Variants in RIIAD1 observed in about 807,000 individuals in gnomAD.
RIIAD1 encodes regulatory subunit of type II PKA R-subunit domain containing 1.
RIIAD1 carries 15 observed loss-of-function variants against 13.3 expected under a neutral mutation model. That is an observed-to-expected ratio of 1.13 (90% CI 0.76 to 1.74). The LOEUF is 1.74. Ranked by LOEUF, RIIAD1 falls within the 40% of genes most tolerant of loss-of-function variation. RIIAD1 has a pLI of 0.00. For synonymous variants in RIIAD1, 50 were observed against 43.3 expected (o/e 1.16, Z -0.61); for missense variants, 121 against 112.2 (o/e 1.08, Z -0.35).
upstream of RIIAD1, among the ~76,000 whole-genome samples, chr1:151,720,747 G>A (rs966459396): frequency 2.0e-5 from 3 of 152,154 alleles, no homozygotes; most frequent in Non-Finnish European, 4.4e-5. Flanking sequence ...GTAGGAGCTC[G>A]GCATGTGTGT....
chr1:151,722,020 A>G (rs546704509), intron 1 of RIIAD1, 66 bp from the exon 2 acceptor site: 2 of 1,180,184 alleles, frequency 1.7e-6, no homozygotes, highest in Admixed American at 4.1e-5. Flanking sequence ...GCAGCCCTTC[A>G]CATCTCCAGG....
At chr1:151,723,840 C>T (rs1197237953) in intron 2 of RIIAD1, among the ~76,000 whole-genome samples, 1 of 152,168 alleles carries the variant, frequency 6.6e-6, no homozygotes, top group Non-Finnish European at 1.5e-5. Context: ...AGGGATAAGC[C>T]TTGGGCAAAA....
intron 2 of RIIAD1, among the ~76,000 whole-genome samples, chr1:151,724,501 C>T (rs1271801646): frequency 6.6e-6 from 1 of 152,132 alleles, no homozygotes; most frequent in Non-Finnish European, 1.5e-5. Context: ...AGCACCGTGC[C>T]TGTCCTTGTC....
At chr1:151,723,430 T>C (rs1162781649) in intron 2 of RIIAD1, among the ~76,000 whole-genome samples, 3 of 151,824 alleles carry the variant, frequency 2.0e-5, no homozygotes, top group Non-Finnish European at 4.4e-5. Flanking sequence ...GCAGATGCGT[T>C]GGCTCACGCC....
At position 151,728,833 on chromosome 1, in the gene RIIAD1, T is replaced by A; in HGVS notation, c.276T>A (p.Ala92=). The A allele has an allele frequency of 1.3e-6, 2 of 1,530,434 alleles. No homozygotes were observed. Among genetic ancestry groups the A allele is most frequent in the African/African-American group, 1.4e-5 (1 of 72,684 alleles). 94.8% of individuals were successfully genotyped at this position (1,530,434 alleles called of 1,614,324 possible). A position where few individuals can be genotyped will look rare whatever the true frequency, so the allele number is the denominator to read the frequency against. ...HMQLIKDKKA[A] is the part of the protein sequence containing the mutation. ...AGCTAATTAAAGACAAGAAAGCGGC[T>A]TAATTAGCAAAATCATGATGCTCAG... is the stretch of plus-strand genomic sequence containing the variant. Residue 92 remains alanine (A), a synonymous_variant, in exon 4 of 5, where the codon GCT becomes GCA. Transcript: ENST00000479191.
At chr1:151,714,768 G>A (rs960040308) in intron 4 of RIIAD1, 105 of 914,888 alleles carry the variant, frequency 1.1e-4, no homozygotes, top group Middle Eastern at 6.3e-4. Context: ...TGACGACTGG[G>A]AAGCTTTCCC....
chr1:151,724,839 G>A (rs1673798511), intron 2 of RIIAD1, among the ~76,000 whole-genome samples: 1 of 150,408 alleles, frequency 6.6e-6, no homozygotes, highest in South Asian at 2.1e-4. Flanking sequence ...TCGCTCTGTC[G>A]CTTAGGCTGG....
Position 151,721,525 on chromosome 1 carries a change from G to T in RIIAD1, c.-12G>T. 4 of 1,308,384 alleles carry T rather than the reference G, an allele frequency of 3.1e-6. No homozygotes were observed. The South Asian group carries it at 8.2e-5, about 27-fold the overall frequency. The allele number at this position is 1,308,384 out of a possible 1,614,324, so 81.0% of individuals were successfully genotyped here. On this transcript the variant is annotated 5_prime_UTR_variant, in exon 1 of 5. Transcript: ENST00000479191. Reference sequence around the variant, plus strand: ...CCGGCTCGCGGCCGGTCGCCTTGACGACCGCAGCAAGATGGAGACGCTGCC... The same window carrying T: ...CCGGCTCGCGGCCGGTCGCCTTGACTACCGCAGCAAGATGGAGACGCTGCC...
chr1:151,716,746 C>G, upstream of RIIAD1: 1 of 453,008 alleles, frequency 2.2e-6, no homozygotes, highest in South Asian at 1.6e-5. Flanking sequence ...TGCCTGCTTT[C>G]CCGGTCACCT....
intron 2 of RIIAD1, among the ~76,000 whole-genome samples, chr1:151,726,891 T>G (rs1673839796): frequency 6.6e-6 from 1 of 152,184 alleles, no homozygotes. Flanking sequence ...TGGTTAAGCT[T>G]ACTCAGGACA....
At chr1:151,714,759 G>T in intron 4 of RIIAD1, 1 of 981,520 alleles carries the variant, frequency 1.0e-6, no homozygotes, top group Non-Finnish European at 1.6e-6. Context: ...TCCAAAGACT[G>T]ACGACTGGGA....
chr1:151,728,026 A>C (rs1673863636), intron 3 of RIIAD1, among the ~76,000 whole-genome samples: 1 of 152,196 alleles, frequency 6.6e-6, no homozygotes, highest in South Asian at 2.1e-4. Context: ...CCCAGCATAC[A>C]TAGCTTTAAA....
chr1:151,724,163 G>T (rs943238916), intron 2 of RIIAD1, among the ~76,000 whole-genome samples: 5 of 152,210 alleles, frequency 3.3e-5, no homozygotes, highest in African/African-American at 1.2e-4. Context: ...AGCAGCCTGG[G>T]TATCTGAGAC....
chr1:151,724,803 A>ATTT (rs34697115), intron 2 of RIIAD1, among the ~76,000 whole-genome samples: 1 of 146,408 alleles, frequency 6.8e-6, no homozygotes. Context: ...TGTAGAAAGT[A>ATTT]TTTTTTTTTT....
intron 1 of RIIAD1, 44 bp downstream of exon 1, chr1:151,721,664 C>A: frequency 8.4e-7 from 1 of 1,193,868 alleles, no homozygotes; most frequent in Non-Finnish European, 1.1e-6. Context: ...CAAAGTGTAG[C>A]TGCCCCAGGA....
intron 2 of RIIAD1, among the ~76,000 whole-genome samples, chr1:151,724,892 C>T (rs773018453): frequency 8.6e-4 from 131 of 151,738 alleles, no homozygotes; most frequent in Non-Finnish European, 1.5e-3. Context: ...CTCCGCCTCC[C>T]GTATTCACGC....
At chr1:151,727,879 G>A (rs1012449167) in intron 3 of RIIAD1, among the ~76,000 whole-genome samples, 3 of 152,144 alleles carry the variant, frequency 2.0e-5, no homozygotes, top group African/African-American at 2.4e-5. Flanking sequence ...GGAACATAGC[G>A]GCAGTTTTTC....
At chr1:151,728,383 G>T (rs1432072210) in intron 3 of RIIAD1, 1 of 233,442 alleles carries the variant, frequency 4.3e-6, no homozygotes, top group Non-Finnish European at 8.3e-6. Flanking sequence ...TGGGCCCCAA[G>T]ATGGGCCTGG....
At chr1:151,719,854 G>A (rs1414432983), upstream of RIIAD1, among the ~76,000 whole-genome samples, 1 of 152,144 alleles carries the variant, frequency 6.6e-6, no homozygotes, top group Non-Finnish European at 1.5e-5. Context: ...GCAGACGGAG[G>A]GTATCAATCA....
Sources: gnomAD v4.1 joint callset for allele counts (sites outside exome capture counted in the v4.1 genomes callset) on GRCh38, gnomAD v4.1.1 for gene constraint, MANE v1.5 for transcripts, NCBI Gene and HGNC (gene_info 2026-07-23, HGNC 2026-07-21) for gene names.